The following RORA variants were observed in gnomAD, a reference collection of about 807,000 sequenced individuals.
The protein encoded by RORA is nuclear receptor ROR-alpha.
A neutral mutation model predicts 69.5 loss-of-function variants in RORA; 7 were observed. The observed-to-expected ratio is 0.10, with a 90% confidence interval of 0.06 to 0.19. RORA has a LOEUF of 0.19. Ranked by LOEUF, RORA falls within the 10% of genes least tolerant of loss-of-function variation. The pLI is 1.00. For missense variants in RORA, 457 were observed against 663.0 expected (o/e 0.69, Z 3.41); for synonymous variants, 261 against 240.8 (o/e 1.08, Z -0.78).
At chr15:60,662,685 C>T (rs1210106612) in intron 2 of RORA, among the ~76,000 whole-genome samples, 1 of 151,878 alleles carries the variant, frequency 6.6e-6, no homozygotes, top group Non-Finnish European at 1.5e-5. Context: ...TTCTGGTATA[C>T]TGTAATGCTG....
At chr15:61,111,259 A>C (rs976472496) in intron 1 of RORA, among the ~76,000 whole-genome samples, 7 of 152,224 alleles carry the variant, frequency 4.6e-5, no homozygotes, top group Non-Finnish European at 1.0e-4. Context: ...AAGTAGTTCT[A>C]GAGGAGGTAG....
intron 1 of RORA, among the ~76,000 whole-genome samples, chr15:60,828,601 G>T (rs16943174): frequency 0.012 from 1,805 of 152,290 alleles, 35 homozygotes; most frequent in African/African-American, 0.042. Flanking sequence ...TGGTTCAGGC[G>T]CATGGGGCCT....
chr15:61,050,206 G>A (rs1052286929), intron 1 of RORA, among the ~76,000 whole-genome samples: 16 of 152,090 alleles, frequency 1.1e-4, no homozygotes, highest in Admixed American at 2.0e-4. Context: ...TGTACATGCC[G>A]TCCATGGCTG....
At chr15:60,886,500 C>T (rs2073751958) in intron 1 of RORA, among the ~76,000 whole-genome samples, 1 of 152,180 alleles carries the variant, frequency 6.6e-6, no homozygotes, top group Admixed American at 6.5e-5. Flanking sequence ...TCCTGTGGAA[C>T]CTTTCCTTGC....
At chr15:60,556,286 G>A (rs61220182) in intron 2 of RORA, among the ~76,000 whole-genome samples, 5,475 of 152,048 alleles carry the variant, frequency 0.036, 324 homozygotes, top group African/African-American at 0.12. Context: ...GTTCCCCATC[G>A]CCAAGTGAAA....
chr15:60,943,081 C>T (rs947259359), intron 1 of RORA, among the ~76,000 whole-genome samples: 13 of 152,230 alleles, frequency 8.5e-5, no homozygotes, highest in African/African-American at 2.9e-4. Flanking sequence ...GTACCTGTAT[C>T]CATCTTTGCT....
intron 2 of RORA, among the ~76,000 whole-genome samples, chr15:60,589,354 A>T (rs1048539684): frequency 6.6e-6 from 1 of 152,226 alleles, no homozygotes; most frequent in African/African-American, 2.4e-5. Context: ...CGGGCCAGAA[A>T]TTCCCTTTAA....
At chr15:60,759,621 T>A (rs964626610) in intron 1 of RORA, among the ~76,000 whole-genome samples, 3 of 152,300 alleles carry the variant, frequency 2.0e-5, no homozygotes, top group East Asian at 3.9e-4. Context: ...GATTTGCCCA[T>A]ACACATAGAG....
At chr15:60,548,361 T>C (rs2067134278) in intron 2 of RORA, among the ~76,000 whole-genome samples, 1 of 152,136 alleles carries the variant, frequency 6.6e-6, no homozygotes, top group East Asian at 1.9e-4. Flanking sequence ...CTGCAGTCAT[T>C]TCCCCGCCGA....
chr15:60,975,927 G>A (rs770668982), intron 1 of RORA, among the ~76,000 whole-genome samples: 1 of 152,212 alleles, frequency 6.6e-6, no homozygotes, highest in Non-Finnish European at 1.5e-5. Context: ...TGCATTTTGT[G>A]AGGTTTTCTT....
At chr15:60,573,090 G>A (rs141566228) in intron 2 of RORA, among the ~76,000 whole-genome samples, 1 of 152,060 alleles carries the variant, frequency 6.6e-6, no homozygotes, top group African/African-American at 2.4e-5. Flanking sequence ...TTAAGCATTC[G>A]CTTGTAGCAC....
At chr15:60,577,079 A>G (rs538515244) in intron 2 of RORA, among the ~76,000 whole-genome samples, 2 of 152,370 alleles carry the variant, frequency 1.3e-5, no homozygotes, top group East Asian at 3.9e-4. Flanking sequence ...CTGAAAATAG[A>G]ATATCACCAA....
intron 2 of RORA, among the ~76,000 whole-genome samples, chr15:60,535,211 A>T (rs1222462713): frequency 1.3e-5 from 2 of 152,204 alleles, no homozygotes; most frequent in Admixed American, 1.3e-4. Flanking sequence ...TCACAAGTAT[A>T]TTGATTAAAT....
intron 2 of RORA, chr15:60,627,339 C>G: frequency 1.2e-6 from 2 of 1,614,190 alleles, no homozygotes; most frequent in Non-Finnish European, 8.5e-7. Flanking sequence ...TTGCCTCAGT[C>G]TCTAAGTCAC....
At chr15:60,933,241 T>G (rs1892425282) in intron 1 of RORA, among the ~76,000 whole-genome samples, 1 of 152,228 alleles carries the variant, frequency 6.6e-6, no homozygotes, top group South Asian at 2.1e-4. Context: ...TCCAGACTTC[T>G]TAGCCTGGTA....
intron 2 of RORA, among the ~76,000 whole-genome samples, chr15:60,650,975 G>C (rs537603115): frequency 6.6e-6 from 1 of 152,134 alleles, no homozygotes; most frequent in Non-Finnish European, 1.5e-5. Context: ...ATTCAAACCC[G>C]GGTCCTTTTG....
chr15:61,011,620 T>TAA (rs1023796640), intron 1 of RORA, among the ~76,000 whole-genome samples: 1 of 147,006 alleles, frequency 6.8e-6, no homozygotes, highest in African/African-American at 2.5e-5. Context: ...TCCTACGCAT[T>TAA]AAAAAAAAAA....
chr15:60,605,119 T>C (rs139441088), intron 2 of RORA, among the ~76,000 whole-genome samples: 12 of 152,312 alleles, frequency 7.9e-5, no homozygotes, highest in African/African-American at 2.9e-4. Context: ...AGTGGATCTT[T>C]TGTTATTCTG....
chr15:61,130,261 T>C (rs984867296), intron 1 of RORA, among the ~76,000 whole-genome samples: 6 of 152,214 alleles, frequency 3.9e-5, no homozygotes, highest in African/African-American at 1.4e-4. Flanking sequence ...AGGGATGAGA[T>C]AAATGTACAC....
Sources: allele counts gnomAD v4.1 joint callset (sites outside exome capture counted in the v4.1 genomes callset), GRCh38; gene constraint gnomAD v4.1.1; transcripts MANE v1.5; gene names NCBI Gene and HGNC (gene_info 2026-07-23, HGNC 2026-07-21).